CTNND2: variants seen among roughly 807,000 people sequenced by gnomAD.
The protein encoded by CTNND2 is catenin delta-2.
Under a neutral mutation model 144.4 loss-of-function variants are expected in CTNND2, and 22 were observed. The observed-to-expected ratio is 0.15, with a 90% confidence interval of 0.11 to 0.22. The LOEUF (loss-of-function observed/expected upper bound fraction) is 0.22, where lower values mean the gene tolerates loss of function less well. CTNND2 is among the 10% of genes least tolerant of loss of function. CTNND2 has a pLI of 1.00. For missense variants in CTNND2, 1,353 were observed against 1,618.8 expected, an observed-to-expected ratio of 0.84 and a Z score of 2.82; for synonymous variants, 751 against 695.6, an observed-to-expected ratio of 1.08 and a Z score of -1.25.
At chr5:11,484,040 C>T (rs1405055634) in intron 3 of CTNND2, among the ~76,000 whole-genome samples, 2 of 152,212 alleles carry the variant, frequency 1.3e-5, no homozygotes, top group Admixed American at 6.5e-5. Flanking sequence ...GCATCACAAG[C>T]TGGCTCCCCC....
chr5:11,015,332 T>C (rs1234026597), intron 18 of CTNND2, among the ~76,000 whole-genome samples: 1 of 152,226 alleles, frequency 6.6e-6, no homozygotes, highest in Non-Finnish European at 1.5e-5. Context: ...GGCACAAAGA[T>C]CTTCCTTTCA....
At chr5:11,503,315 T>C (rs372496896) in intron 3 of CTNND2, among the ~76,000 whole-genome samples, 3 of 152,256 alleles carry the variant, frequency 2.0e-5, no homozygotes, top group African/African-American at 4.8e-5. Context: ...TCTTTTCATA[T>C]ACTGCTCGGA....
At chr5:11,828,455 T>C (rs553198350) in intron 1 of CTNND2, among the ~76,000 whole-genome samples, 2 of 152,132 alleles carry the variant, frequency 1.3e-5, no homozygotes, top group East Asian at 3.9e-4. Flanking sequence ...GCCTGAACCC[T>C]GGAGGCAGAG....
At chr5:11,306,468 G>A (rs1485464789) in intron 9 of CTNND2, among the ~76,000 whole-genome samples, 1 of 152,176 alleles carries the variant, frequency 6.6e-6, no homozygotes, top group Middle Eastern at 3.2e-3. Flanking sequence ...CTATCATGGG[G>A]TGGATCCGAG....
chr5:11,242,801 G>A lies in CTNND2; in HGVS notation c.1629-5978C>T, dbSNP rs147340053. On this transcript the variant is annotated intron_variant, in intron 9 of 21. Transcript: ENST00000304623. The stretch of plus-strand genomic sequence containing the variant: ...ATACCTGTCAAGAAGTTCAGAATTT[G>A]AACATCTGGCTCTGTCCCTTTTATC... Among the ~76,000 whole-genome samples the A allele has an allele frequency of 1.4e-3, 210 of 152,294 alleles. 1 individual carries two copies. The highest frequency in any genetic ancestry group is 4.8e-3 in the African/African-American group (200 of 41,556).
At chr5:11,573,182 G>A (rs1157657982) in intron 2 of CTNND2, among the ~76,000 whole-genome samples, 1 of 152,196 alleles carries the variant, frequency 6.6e-6, no homozygotes, top group Non-Finnish European at 1.5e-5. Flanking sequence ...TAATACATGT[G>A]AAGCACTTAG....
chr5:11,358,269 A>C (rs1756102022), intron 8 of CTNND2, among the ~76,000 whole-genome samples: 1 of 152,198 alleles, frequency 6.6e-6, no homozygotes. Flanking sequence ...TTTACCAATA[A>C]ACTGTTCTCC....
At chr5:11,280,231 A>G (rs1311980171) in intron 9 of CTNND2, among the ~76,000 whole-genome samples, 1 of 152,256 alleles carries the variant, frequency 6.6e-6, no homozygotes, top group Non-Finnish European at 1.5e-5. Context: ...ACAGAGACAC[A>G]GGACAGAAAG....
At chr5:11,770,292 A>G (rs1434875833) in intron 1 of CTNND2, among the ~76,000 whole-genome samples, 2 of 152,164 alleles carry the variant, frequency 1.3e-5, no homozygotes, top group African/African-American at 2.4e-5. Context: ...TCTAACCTTA[A>G]CGTGAATACT....
chr5:11,772,837 A>C (rs531370369), intron 1 of CTNND2, among the ~76,000 whole-genome samples: 1 of 152,338 alleles, frequency 6.6e-6, no homozygotes, highest in South Asian at 2.1e-4. Flanking sequence ...ATGTTCTATG[A>C]ATACATCTTC....
At chr5:11,626,222 C>T (rs752878802) in intron 2 of CTNND2, among the ~76,000 whole-genome samples, 3 of 152,122 alleles carry the variant, frequency 2.0e-5, no homozygotes, top group African/African-American at 4.8e-5. Flanking sequence ...CACATTGATG[C>T]CAACTTGTCT....
intron 16 of CTNND2, among the ~76,000 whole-genome samples, chr5:11,082,152 G>T (rs1330747643): frequency 6.6e-6 from 1 of 152,142 alleles, no homozygotes; most frequent in African/African-American, 2.4e-5. Context: ...TAATCTCTGG[G>T]CCTAGAACAG....
chr5:11,395,351 C>T (rs1337878612), intron 6 of CTNND2, among the ~76,000 whole-genome samples: 1 of 152,122 alleles, frequency 6.6e-6, no homozygotes, highest in East Asian at 1.9e-4. Flanking sequence ...TCAGATATTC[C>T]ACAATGGTTT....
At chr5:11,678,535 T>A (rs991772143) in intron 2 of CTNND2, among the ~76,000 whole-genome samples, 1 of 152,148 alleles carries the variant, frequency 6.6e-6, no homozygotes, top group Non-Finnish European at 1.5e-5. Context: ...CTGACAATCA[T>A]CAGCCTTCAA....
intron 1 of CTNND2, among the ~76,000 whole-genome samples, chr5:11,853,411 C>T (rs760608391): frequency 1.8e-4 from 28 of 152,172 alleles, no homozygotes; most frequent in Admixed American, 7.9e-4. Flanking sequence ...CATGCTCACA[C>T]CAGGGCTCAG....
intron 1 of CTNND2, among the ~76,000 whole-genome samples, chr5:11,824,257 CATTTT>C (rs1793486420): frequency 6.6e-6 from 1 of 152,108 alleles, no homozygotes; most frequent in Non-Finnish European, 1.5e-5. Context: ...AATGAGAATC[CATTTT>C]ATAAACATCC....
chr5:11,374,760 G>C (rs551926157), intron 7 of CTNND2, among the ~76,000 whole-genome samples: 11 of 148,648 alleles, frequency 7.4e-5, no homozygotes, highest in African/African-American at 2.7e-4. Flanking sequence ...TCCAGAACAA[G>C]GTGCTCCCAA....
chr5:11,189,080 T>C (rs1314974149), intron 11 of CTNND2, among the ~76,000 whole-genome samples: 2 of 152,156 alleles, frequency 1.3e-5, no homozygotes, highest in African/African-American at 4.8e-5. Flanking sequence ...CCACAATGGT[T>C]CTGTTAATAG....
At chr5:11,602,089 G>A (rs557413088) in intron 2 of CTNND2, among the ~76,000 whole-genome samples, 1 of 152,044 alleles carries the variant, frequency 6.6e-6, no homozygotes, top group South Asian at 2.1e-4. Flanking sequence ...GGGATGTAAA[G>A]CACTATGGGA....
Sources: allele counts gnomAD v4.1 joint callset (sites outside exome capture counted in the v4.1 genomes callset), GRCh38; gene constraint gnomAD v4.1.1; transcripts MANE v1.5; gene names NCBI Gene and HGNC (gene_info 2026-07-23, HGNC 2026-07-21).